Variants in MYPN observed in about 807,000 individuals in gnomAD.
The protein encoded by MYPN is myopalladin.
MYPN carries 63 observed loss-of-function variants against 129.4 expected under a neutral mutation model. That is an observed-to-expected ratio of 0.49 (90% CI 0.40 to 0.60). MYPN has a LOEUF of 0.60. MYPN is among the 20% of genes least tolerant of loss of function. MYPN has a pLI of 0.00. For synonymous variants in MYPN, 629 were observed against 600.9 expected, an observed-to-expected ratio of 1.05 and a Z score of -0.68; for missense variants, 1,596 against 1,635.4, an observed-to-expected ratio of 0.98 and a Z score of 0.42.
In MYPN at chr10:68,092,757, C is replaced by A. The variant is rs547551122; in HGVS notation, c.-2+4765C>A. 1.1e-4 allele frequency among the ~76,000 whole-genome samples: 16 copies of A among 152,194 alleles called. No homozygotes were observed. In the East Asian group the frequency reaches 3.1e-3, roughly 29 times the overall value. On this transcript the variant is annotated intron_variant, in intron 1 of 6. Coordinates refer to the MYPN transcript ENST00000685154. ...TATGTGTCATGTTTAAGCTTTCAAT[C>A]CTTTGTATATTATTTCATTCTTATA...
At chr10:68,179,100 T>G (rs1310577967) in intron 12 of MYPN, among the ~76,000 whole-genome samples, 1 of 152,164 alleles carries the variant, frequency 6.6e-6, no homozygotes, top group Non-Finnish European at 1.5e-5. Context: ...CTAATCTCCT[T>G]CTTCTCTGAA....
At chr10:68,168,550 C>T (rs1339836864) in intron 10 of MYPN, among the ~76,000 whole-genome samples, 1 of 152,116 alleles carries the variant, frequency 6.6e-6, no homozygotes, top group Non-Finnish European at 1.5e-5. Flanking sequence ...TGGTTTTATG[C>T]GTTTCAGGAA....
At chr10:68,185,197 G>C (rs1237922362) in intron 12 of MYPN, among the ~76,000 whole-genome samples, 2 of 148,744 alleles carry the variant, frequency 1.3e-5, no homozygotes, top group East Asian at 3.9e-4. Flanking sequence ...AAGGAGGGAA[G>C]GAAGGGAGGA....
intron 1 of MYPN, among the ~76,000 whole-genome samples, chr10:68,114,880 G>T (rs1478625302): frequency 1.3e-5 from 2 of 152,044 alleles, no homozygotes; most frequent in Admixed American, 6.6e-5. Context: ...CTGTTTTCAA[G>T]GGTAATTACT....
At chr10:68,182,869 G>C (rs1301823507) in intron 12 of MYPN, among the ~76,000 whole-genome samples, 1 of 152,052 alleles carries the variant, frequency 6.6e-6, no homozygotes, top group Non-Finnish European at 1.5e-5. Flanking sequence ...TCAACTTGGA[G>C]TACTGGTTAA....
chr10:68,154,849 G>A (rs1294968121), intron 6 of MYPN, among the ~76,000 whole-genome samples: 3 of 152,070 alleles, frequency 2.0e-5, no homozygotes, highest in Non-Finnish European at 4.4e-5. Flanking sequence ...CATGGTGCTG[G>A]GCACAAAGCA....
chr10:68,197,884 A>G (rs535015211), intron 16 of MYPN, among the ~76,000 whole-genome samples: 6 of 152,294 alleles, frequency 3.9e-5, no homozygotes, highest in South Asian at 2.1e-4. Context: ...GCTACTAAGT[A>G]TCTAATGGGC....
chr10:68,144,006 C>T (rs2042620819), intron 3 of MYPN, among the ~76,000 whole-genome samples: 1 of 151,436 alleles, frequency 6.6e-6, no homozygotes, highest in South Asian at 2.1e-4. Flanking sequence ...CTGCCCACCT[C>T]GGCCTCCCAA....
chr10:68,199,608 C>T (rs781505680), intron 17 of MYPN, 33 bp downstream of exon 17: 2 of 1,601,854 alleles, frequency 1.2e-6, no homozygotes, highest in East Asian at 2.2e-5. Flanking sequence ...CTAAACACAA[C>T]TTCCTCCAAA....
At chr10:68,155,403 A>G (rs568081744) in intron 6 of MYPN, among the ~76,000 whole-genome samples, 2 of 152,332 alleles carry the variant, frequency 1.3e-5, no homozygotes, top group African/African-American at 4.8e-5. Flanking sequence ...CAGTTTAGTG[A>G]TGCCACACAA....
At chr10:68,097,778 A>T (rs1589511110) in intron 1 of MYPN, among the ~76,000 whole-genome samples, 1 of 37,780 alleles carries the variant, frequency 2.6e-5, no homozygotes, top group African/African-American at 4.5e-4. Flanking sequence ...TAGCTGATTT[A>T]AAAAAAAAAA....
chr10:68,156,828 G>C (rs993116261), intron 6 of MYPN, among the ~76,000 whole-genome samples: 2 of 152,182 alleles, frequency 1.3e-5, no homozygotes, highest in African/African-American at 4.8e-5. Flanking sequence ...CCTAAATGCA[G>C]GTCCAAAAAT....
chr10:68,162,791 T>C (rs1304743987), intron 8 of MYPN, among the ~76,000 whole-genome samples: 1 of 152,164 alleles, frequency 6.6e-6, no homozygotes. Flanking sequence ...ACCCCATCTC[T>C]ACTAAATTTA....
chr10:68,149,953 A>G (rs2042739256), intron 5 of MYPN, 87 bp from the exon 6 acceptor site: 1 of 1,271,614 alleles, frequency 7.9e-7, no homozygotes, highest in Non-Finnish European at 1.1e-6. Context: ...TGCATTTCAT[A>G]TACCAAATTC....
chr10:68,101,829 G>A (rs1225600775), upstream of MYPN, among the ~76,000 whole-genome samples: 2 of 151,906 alleles, frequency 1.3e-5, no homozygotes, highest in African/African-American at 4.8e-5. Flanking sequence ...TATAGGTCAA[G>A]TTTTCTTCTG....
chr10:68,192,084 G>C (rs10823156), intron 13 of MYPN, among the ~76,000 whole-genome samples: 67,926 of 151,924 alleles, frequency 0.45, 15,728 homozygotes, highest in Non-Finnish European at 0.51. Context: ...TGTTCCTGAT[G>C]TTAGTGTAAA....
At chr10:68,103,164 A>T (rs1564638013), upstream of MYPN, among the ~76,000 whole-genome samples, 1 of 152,252 alleles carries the variant, frequency 6.6e-6, no homozygotes, top group Non-Finnish European at 1.5e-5. Context: ...AATGCCAGAC[A>T]TATAGATTCA....
chr10:68,146,542 C>T (rs16925159), intron 4 of MYPN, among the ~76,000 whole-genome samples: 6,897 of 152,146 alleles, frequency 0.045, 542 homozygotes, highest in African/African-American at 0.15. Flanking sequence ...ATTTAGCCTC[C>T]GTTGTGTATC....
At position 68,136,383 on chromosome 10, in the gene MYPN, T is replaced by A. The variant is rs567760744; in HGVS notation, c.903-6557T>A. ...CCATTCTGTAAGTGTCATGAGGATT[T>A]GGCGTTCTAAAAACATGCCACCGGT... On this transcript the variant is annotated intron_variant, in intron 2 of 19. Coordinates refer to ENST00000358913, the MANE Select transcript of MYPN (RefSeq NM_032578.4). 12 of 870,538 alleles carry A rather than the reference T, an allele frequency of 1.4e-5. 1 individual carries two copies. In the South Asian group the frequency reaches 4.8e-4, roughly 35 times the overall value. The allele number at this position is 870,538 out of a possible 1,614,324, so 53.9% of individuals were successfully genotyped here.
Sources: gnomAD v4.1 joint callset for allele counts (sites outside exome capture counted in the v4.1 genomes callset) on GRCh38, gnomAD v4.1.1 for gene constraint, MANE v1.5 for transcripts, NCBI Gene and HGNC (gene_info 2026-07-23, HGNC 2026-07-21) for gene names.